The following DAAM1 variants were observed in gnomAD, a reference collection of about 807,000 sequenced individuals.
The protein encoded by DAAM1 is dishevelled associated activator of morphogenesis 1, also known as disheveled-associated activator of morphogenesis 1.
In DAAM1, 52 loss-of-function variants were observed where a neutral mutation model predicts 130.0. The observed-to-expected ratio is 0.40, with a 90% confidence interval of 0.32 to 0.50. The LOEUF (loss-of-function observed/expected upper bound fraction) is 0.50, where lower values mean the gene tolerates loss of function less well. DAAM1 is among the 20% of genes least tolerant of loss of function. The pLI is 0.61. For synonymous variants in DAAM1, 452 were observed against 444.5 expected, an observed-to-expected ratio of 1.02 and a Z score of -0.21; for missense variants, 1,134 against 1,303.8, an observed-to-expected ratio of 0.87 and a Z score of 2.01.
chr14:59,289,784 A>ATATATATATATATATACATATATATAT, intron 2 of DAAM1, among the ~76,000 whole-genome samples: 2 of 128,768 alleles, frequency 1.6e-5, no homozygotes, highest in African/African-American at 5.7e-5. Context: ...ATATATATAT[A>ATATATATATATATATACATATATATAT]ATGGAATGCT....
chr14:59,336,618 T>G (rs1259071613), intron 15 of DAAM1, among the ~76,000 whole-genome samples: 1 of 152,228 alleles, frequency 6.6e-6, no homozygotes, highest in Non-Finnish European at 1.5e-5. Context: ...AAGAAACTCT[T>G]GCTTGGCATT....
chr14:59,358,836 CAAAA>C (rs35150898), intron 20 of DAAM1, among the ~76,000 whole-genome samples: 4 of 137,938 alleles, frequency 2.9e-5, no homozygotes, highest in Non-Finnish European at 3.2e-5. Context: ...GACCCCATCT[CAAAA>C]AAAAAAAAAA....
chr14:59,276,803 C>T (rs1055166111), intron 2 of DAAM1, among the ~76,000 whole-genome samples: 4 of 151,942 alleles, frequency 2.6e-5, no homozygotes, highest in Non-Finnish European at 5.9e-5. Flanking sequence ...AAAACAAAAC[C>T]CCCAAACACA....
At chr14:59,334,966 A>T (rs1885570669) in intron 15 of DAAM1, among the ~76,000 whole-genome samples, 1 of 152,168 alleles carries the variant, frequency 6.6e-6, no homozygotes, top group Non-Finnish European at 1.5e-5. Flanking sequence ...CACAGTTCCC[A>T]ATCTCATCAA....
chr14:59,263,771 TG>T (rs745803835), intron 2 of DAAM1, 111 bp downstream of exon 2: 5 of 1,346,490 alleles, frequency 3.7e-6, no homozygotes, highest in Non-Finnish European at 5.2e-6. Flanking sequence ...TTCAGTGAAA[TG>T]GCCCCCATTC....
intron 1 of DAAM1, among the ~76,000 whole-genome samples, chr14:59,205,181 T>C (rs781501854): frequency 8.5e-5 from 13 of 152,248 alleles, no homozygotes; most frequent in Non-Finnish European, 1.3e-4. Context: ...CTAGTTCCTG[T>C]AAATTTGTTA....
At chr14:59,254,376 C>T (rs552034909) in intron 1 of DAAM1, among the ~76,000 whole-genome samples, 68 of 152,138 alleles carry the variant, frequency 4.5e-4, no homozygotes, top group Middle Eastern at 6.3e-3. Flanking sequence ...TGAGGGAGAG[C>T]TTTGATGTGA....
chr14:59,325,446 A>G (rs553585616), intron 8 of DAAM1, among the ~76,000 whole-genome samples: 2 of 152,318 alleles, frequency 1.3e-5, no homozygotes, highest in African/African-American at 4.8e-5. Flanking sequence ...TAGGCATCGT[A>G]GACTTTTAAA....
At chr14:59,297,565 T>C (rs1276942581) in intron 3 of DAAM1, among the ~76,000 whole-genome samples, 2 of 152,138 alleles carry the variant, frequency 1.3e-5, no homozygotes, top group African/African-American at 4.8e-5. Flanking sequence ...CAGTATGTAA[T>C]GGCAAGATTT....
At chr14:59,278,117 C>T (rs767757728) in intron 2 of DAAM1, among the ~76,000 whole-genome samples, 1 of 152,084 alleles carries the variant, frequency 6.6e-6, no homozygotes, top group Non-Finnish European at 1.5e-5. Context: ...GTGGTCTCCT[C>T]CTCTCTTAAA....
chr14:59,242,560 T>C (rs1365523438), intron 1 of DAAM1, among the ~76,000 whole-genome samples: 3 of 152,176 alleles, frequency 2.0e-5, no homozygotes, highest in Non-Finnish European at 4.4e-5. Context: ...TGCTGGGTAC[T>C]ATTATTATTA....
intron 1 of DAAM1, among the ~76,000 whole-genome samples, chr14:59,240,714 C>T (rs1566663571): frequency 6.6e-6 from 1 of 152,230 alleles, no homozygotes; most frequent in Admixed American, 6.5e-5. Context: ...AAGAGGCACC[C>T]TCTCATCTGC....
intron 8 of DAAM1, among the ~76,000 whole-genome samples, chr14:59,325,056 T>G (rs1384985296): frequency 6.6e-6 from 1 of 152,204 alleles, no homozygotes; most frequent in African/African-American, 2.4e-5. Flanking sequence ...CATCAGTGCC[T>G]TTGCGCTTGC....
intron 1 of DAAM1, among the ~76,000 whole-genome samples, chr14:59,197,735 C>T (rs1323980435): frequency 6.6e-6 from 1 of 152,122 alleles, no homozygotes; most frequent in African/African-American, 2.4e-5. Context: ...ACGTTTCTTC[C>T]ATACCTTACC....
In DAAM1 at chr14:59,325,730, G is replaced by T; in HGVS notation, c.1056G>T (p.Leu352=). 1 of 1,613,808 alleles carries T rather than the reference G, an allele frequency of 6.2e-7. No individual in the cohort carries two copies. The highest frequency in any genetic ancestry group is 1.1e-5 in the South Asian group (1 of 91,064). ...TAGAATTTGCCAAAAGATTTGAACT[G>T]GTACGTATGCTTACAATTATTCTGG... ...DELEFAKRFE[L]VHIDTKSATQ... The change falls in exon 9 of 25, where the codon CTG becomes CTT. Residue 352 remains leucine, a splice_region_variant and synonymous_variant. Coordinates refer to ENST00000360909, the MANE Select transcript of DAAM1 (RefSeq NM_001270520.2).
rs1886669466 is a variant in DAAM1, at chr14:59,360,590, C to T, written c.2634-212C>T. ...TTCTATTTTTAACCTGTAAAATATACCTGCTGGCTACAGAAAACAAACATA... is the reference window on the plus strand; with the variant it reads ...TTCTATTTTTAACCTGTAAAATATATCTGCTGGCTACAGAAAACAAACATA... On this transcript the variant is annotated intron_variant, in intron 21 of 24. Coordinates refer to ENST00000360909, the MANE Select transcript of DAAM1 (RefSeq NM_001270520.2). 7 of 374,692 alleles carry T rather than the reference C, an allele frequency of 1.9e-5. No individual in the cohort carries two copies. In the East Asian group the frequency reaches 2.8e-4, roughly 15 times the overall value. The allele number at this position is 374,692 out of a possible 1,614,324, so 23.2% of individuals were successfully genotyped here. A position where few individuals can be genotyped will look rare whatever the true frequency, so the allele number is the denominator to read the frequency against.
intron 24 of DAAM1, among the ~76,000 whole-genome samples, chr14:59,367,874 A>C (rs1393137859): frequency 6.6e-6 from 1 of 152,210 alleles, no homozygotes; most frequent in Non-Finnish European, 1.5e-5. Context: ...TACACAAAAA[A>C]GGGCAGCATT....
At chr14:59,203,886 A>G (rs187289484) in intron 1 of DAAM1, among the ~76,000 whole-genome samples, 1 of 152,374 alleles carries the variant, frequency 6.6e-6, no homozygotes, top group Admixed American at 6.5e-5. Context: ...TCTTGCCTAT[A>G]AAACTAACTG....
intron 1 of DAAM1, among the ~76,000 whole-genome samples, chr14:59,220,752 GACC>G (rs1888744068): frequency 6.6e-6 from 1 of 152,164 alleles, no homozygotes; most frequent in Non-Finnish European, 1.5e-5. Flanking sequence ...CAGAGCCAAA[GACC>G]TAAGAACTAG....
Sources: allele counts gnomAD v4.1 joint callset (sites outside exome capture counted in the v4.1 genomes callset), GRCh38; gene constraint gnomAD v4.1.1; transcripts MANE v1.5; gene names NCBI Gene and HGNC (gene_info 2026-07-23, HGNC 2026-07-21).